The following FHIP2A variants were observed in gnomAD, a reference collection of about 807,000 sequenced individuals.
FHIP2A encodes FHF complex subunit HOOK interacting protein 2A.
A neutral mutation model predicts 93.5 loss-of-function variants in FHIP2A; 46 were observed. The ratio of observed to expected loss-of-function variants is 0.49; its 90% CI spans 0.39 to 0.63. The LOEUF (loss-of-function observed/expected upper bound fraction) is 0.63. FHIP2A is among the 20% of genes least tolerant of loss of function. The pLI is 0.00. For missense variants in FHIP2A, 769 were observed against 909.7 expected, an observed-to-expected ratio of 0.85 and a Z score of 1.99; for synonymous variants, 332 against 326.5, an observed-to-expected ratio of 1.02 and a Z score of -0.18.
At chr10:114,890,496 G>A (rs1186595959) in intron 16 of FHIP2A, among the ~76,000 whole-genome samples, 1 of 144,830 alleles carries the variant, frequency 6.9e-6, no homozygotes, top group Non-Finnish European at 1.5e-5. Context: ...TACTATATAT[G>A]ACATATATAG....
intron 16 of FHIP2A, among the ~76,000 whole-genome samples, chr10:114,888,474 C>T (rs2083953754): frequency 6.6e-6 from 1 of 152,114 alleles, no homozygotes; most frequent in Admixed American, 6.6e-5. Flanking sequence ...TGGAAAGATA[C>T]GAAAGCAAGA....
At chr10:114,839,353 C>T (rs1462885321) in intron 5 of FHIP2A, among the ~76,000 whole-genome samples, 3 of 151,992 alleles carry the variant, frequency 2.0e-5, no homozygotes, top group African/African-American at 4.8e-5. Context: ...TCTCAAACTC[C>T]CAACCTCAGG....
At chr10:114,866,497 G>A (rs1164908944), downstream of FHIP2A, among the ~76,000 whole-genome samples, 3 of 152,120 alleles carry the variant, frequency 2.0e-5, no homozygotes, top group Non-Finnish European at 4.4e-5. Context: ...TTGGACTATT[G>A]TGGGCATTAG....
At position 114,843,736 on chromosome 10, in the gene FHIP2A, T is replaced by G; in HGVS notation, c.817-5T>G. ...GAATTGAAGGGGGATTTTTTTTTCC[T>G]TTAGGATGGCAGAATAGCTGTGAAG... On this transcript the variant is annotated splice_polypyrimidine_tract_variant and splice_region_variant and intron_variant, in intron 6 of 16. Coordinates refer to ENST00000369248, the MANE Select transcript of FHIP2A (RefSeq NM_020940.4). 1 of 1,510,714 alleles carries G rather than the reference T, an allele frequency of 6.6e-7. No homozygotes were observed. The highest frequency in any genetic ancestry group is 8.8e-7 in the Non-Finnish European group (1 of 1,134,204). The allele number at this position is 1,510,714 out of a possible 1,614,324, so 93.6% of individuals were successfully genotyped here.
chr10:114,823,482 TTTTA>T (rs759295106), intron 1 of FHIP2A, among the ~76,000 whole-genome samples: 1,041 of 82,930 alleles, frequency 0.013, 13 homozygotes, highest in African/African-American at 0.034. Flanking sequence ...AATCATTTAA[TTTTA>T]TTTATTTATT....
chr10:114,884,431 A>T (rs2083931654), intron 16 of FHIP2A, among the ~76,000 whole-genome samples: 1 of 152,218 alleles, frequency 6.6e-6, no homozygotes, highest in African/African-American at 2.4e-5. Context: ...AGTGCTAAGA[A>T]CTTAGCAAAT....
At position 114,860,882 on chromosome 10, in the gene FHIP2A, T is replaced by C. The variant is rs759222228; in HGVS notation, c.2081T>C (p.Ile694Thr). The C allele has an allele frequency of 9.9e-6, 16 of 1,613,404 alleles. No individual in the cohort carries two copies. Among genetic ancestry groups the C allele is most frequent in the African/African-American group, 1.3e-5 (1 of 74,892 alleles). Residue 694 changes from isoleucine to threonine, a missense_variant, in exon 15 of 17, where the codon ATT becomes ACT. By Grantham distance (89) the Ile-to-Thr change is moderately conservative. Transcript: ENST00000369248. The part of the protein sequence containing the change: ...APGCRSLFSV[I>T]VRVVGDLMLR... ...GGCTGTAGATCTCTCTTCTCTGTAA[T>C]TGTCAGGGTGAGTTACTAGTTCTGT...
intron 7 of FHIP2A, among the ~76,000 whole-genome samples, chr10:114,844,570 C>T (rs1013448042): frequency 1.3e-5 from 2 of 152,072 alleles, no homozygotes; most frequent in African/African-American, 4.8e-5. Context: ...AGGGCAGACC[C>T]ACTTGTTAAC....
At chr10:114,855,731 T>G (rs1315946949) in intron 14 of FHIP2A, among the ~76,000 whole-genome samples, 1 of 152,184 alleles carries the variant, frequency 6.6e-6, no homozygotes, top group Non-Finnish European at 1.5e-5. Flanking sequence ...TGAACACTGG[T>G]CTCAGTAAAA....
intron 16 of FHIP2A, among the ~76,000 whole-genome samples, chr10:114,890,796 A>G (rs1375040483): frequency 6.7e-6 from 1 of 149,756 alleles, no homozygotes; most frequent in Non-Finnish European, 1.5e-5. Flanking sequence ...TATATTATAT[A>G]TGTTTCAGGA....
intron 13 of FHIP2A, among the ~76,000 whole-genome samples, chr10:114,849,635 A>G (rs555071714): frequency 6.6e-6 from 1 of 152,352 alleles, no homozygotes; most frequent in Non-Finnish European, 1.5e-5. Context: ...CGTTTTAACT[A>G]TTTTAAAGTG....
chr10:114,894,981 A>G (rs774391483), intron 16 of FHIP2A, among the ~76,000 whole-genome samples: 15 of 152,232 alleles, frequency 9.9e-5, no homozygotes, highest in Non-Finnish European at 1.9e-4. Context: ...GCAGAAGGAT[A>G]CACTGTAGCC....
chr10:114,875,760 A>G (rs969537929), intron 16 of FHIP2A, among the ~76,000 whole-genome samples: 1 of 151,590 alleles, frequency 6.6e-6, no homozygotes, highest in African/African-American at 2.4e-5. Context: ...AAGAGAAAGA[A>G]AGAAAGAGAA....
intron 7 of FHIP2A, among the ~76,000 whole-genome samples, chr10:114,844,186 A>G (rs1592018913): frequency 6.6e-6 from 1 of 152,196 alleles, no homozygotes. Flanking sequence ...AAGGGCTTAC[A>G]TTAAAATCAA....
chr10:114,855,262 G>T lies in FHIP2A; in HGVS notation c.1869G>T (p.Lys623Asn), dbSNP rs1470364637. The T allele has an allele frequency of 5.0e-6, 8 of 1,613,932 alleles. No homozygotes were observed. The highest frequency in any genetic ancestry group is 1.3e-5 in the African/African-American group (1 of 74,892). Residue 623 changes from lysine (K) to asparagine (N), a missense_variant, in exon 14 of 17, where the codon AAG (lysine) becomes AAT (asparagine). Lys to Asn is a moderately conservative substitution (Grantham distance 94, BLOSUM62 0). Transcript: ENST00000369248. ...EWPGSPKALE[K>N]CNLEAAFFEG... ...CTGGGTCTCCAAAAGCATTGGAAAA[G>T]TGCAATTTAGAAGCTGCTTTCTTTG...
chr10:114,852,968 A>G lies in FHIP2A; in HGVS notation c.1804-2229A>G, dbSNP rs1156258809. ...TTTCTACACTGTCTTCAACATCCAGATTAAATGCCAGCTCGTGATTTATTC... is the reference window on the plus strand; with the variant it reads ...TTTCTACACTGTCTTCAACATCCAGGTTAAATGCCAGCTCGTGATTTATTC... On this transcript the variant is annotated intron_variant, in intron 13 of 16. Coordinates refer to ENST00000369248, the MANE Select transcript of FHIP2A (RefSeq NM_020940.4). 2.0e-5 allele frequency among the ~76,000 whole-genome samples: 3 copies of G among 152,212 alleles called. No homozygotes were observed. In the East Asian group the frequency reaches 5.8e-4, roughly 29 times the overall value.
At chr10:114,833,154 G>A in intron 2 of FHIP2A, 79 bp from the exon 3 acceptor site, 10 of 1,103,316 alleles carry the variant, frequency 9.1e-6, no homozygotes, top group Non-Finnish European at 1.3e-5. Flanking sequence ...AATAGGAAAA[G>A]GGAAATACAG....
At chr10:114,850,697 C>G (rs2083729634) in intron 13 of FHIP2A, among the ~76,000 whole-genome samples, 1 of 152,024 alleles carries the variant, frequency 6.6e-6, no homozygotes, top group Non-Finnish European at 1.5e-5. Context: ...AAGACCCTGT[C>G]TCCAAAAAAT....
intron 1 of FHIP2A, among the ~76,000 whole-genome samples, chr10:114,823,583 C>T (rs755951333): frequency 6.6e-6 from 1 of 151,870 alleles, no homozygotes. Flanking sequence ...CAACCTCCGC[C>T]TCCCGGATTC....
Sources: allele counts gnomAD v4.1 joint callset (sites outside exome capture counted in the v4.1 genomes callset), GRCh38; gene constraint gnomAD v4.1.1; transcripts MANE v1.5; gene names NCBI Gene and HGNC (gene_info 2026-07-23, HGNC 2026-07-21).